ZNF763: variants seen among roughly 807,000 people sequenced by gnomAD.
ZNF763 encodes the protein zinc finger protein 763, also known as DNA-binding protein.
In ZNF763, 33 loss-of-function variants were observed where a neutral mutation model predicts 38.0. That is an observed-to-expected ratio of 0.87 (90% CI 0.66 to 1.16). ZNF763 has a LOEUF of 1.16. Ranked by LOEUF, ZNF763 falls within the 50% of genes most tolerant of loss-of-function variation. The pLI is 0.00. For missense variants in ZNF763, 423 were observed against 469.1 expected (o/e 0.90, Z 0.91); for synonymous variants, 155 against 160.1 (o/e 0.97, Z 0.24).
At chr19:11,969,061 G>A (rs1305952368) in intron 1 of ZNF763, among the ~76,000 whole-genome samples, 1 of 152,196 alleles carries the variant, frequency 6.6e-6, no homozygotes, top group African/African-American at 2.4e-5. Flanking sequence ...TCAAGATGAT[G>A]TAGAGATTCA....
chr19:11,973,501 C>A (rs1028850794), intron 1 of ZNF763, among the ~76,000 whole-genome samples: 1 of 152,136 alleles, frequency 6.6e-6, no homozygotes, highest in African/African-American at 2.4e-5. Flanking sequence ...TCTTGTGAGC[C>A]ACCACGTTCG....
chr19:11,976,831 G>T (rs1973501996), intron 1 of ZNF763: 1 of 1,391,194 alleles, frequency 7.2e-7, no homozygotes, highest in Non-Finnish European at 9.3e-7. Flanking sequence ...TCCAGCCTGG[G>T]CAACAAGTTG....
At chr19:11,967,529 C>T (rs936429007) in intron 1 of ZNF763, among the ~76,000 whole-genome samples, 6 of 151,912 alleles carry the variant, frequency 3.9e-5, no homozygotes, top group Non-Finnish European at 8.8e-5. Context: ...CTCAGCCTCC[C>T]GAGTAGCTGG....
rs1186251801 is a variant in ZNF763, at chr19:11,980,207, C to T, written c.*1098C>T. On this transcript the variant is annotated 3_prime_UTR_variant, in exon 4 of 4. Transcript: ENST00000358987. ...CTGGCCTGATCAATATGATGAAACC[C>T]CTGTCTCTACTAAAACTACAAAAAT... The T allele has an allele frequency of 1.8e-5, 8 of 451,416 alleles. No homozygotes were observed. Among genetic ancestry groups the T allele is most frequent in the Admixed American group, 3.7e-5 (1 of 27,150 alleles). The allele number at this position is 451,416 out of a possible 1,614,324, so 28.0% of individuals were successfully genotyped here. A position where few individuals can be genotyped will look rare whatever the true frequency, so the allele number is the denominator to read the frequency against.
chr19:11,971,145 A>G (rs1973342823), intron 1 of ZNF763, among the ~76,000 whole-genome samples: 1 of 152,086 alleles, frequency 6.6e-6, no homozygotes, highest in South Asian at 2.1e-4. Flanking sequence ...TAAAGAATAA[A>G]CATTTGTTTC....
intron 2 of ZNF763, 97 bp downstream of exon 2, chr19:11,977,261 C>T: frequency 6.2e-7 from 1 of 1,603,414 alleles, no homozygotes; most frequent in Non-Finnish European, 8.5e-7. Flanking sequence ...ACAGGAAATA[C>T]TTTGATGAAT....
Position 11,978,403 on chromosome 19 carries a change from G to A in ZNF763, c.479G>A (p.Arg160Lys), listed in dbSNP as rs751394506. Residue 160 changes from arginine to lysine, a missense_variant, in exon 4 of 4, where the codon AGA (arginine) becomes AAA (lysine). Transcript: ENST00000358987. ...KKAFRYHPSF[R>K]TQERNHTGEK... Reference sequence around the variant, plus strand: ...GCCTTCAGATATCACCCCTCCTTTAGAACACAAGAAAGGAATCACACCGGA... The same window carrying A: ...GCCTTCAGATATCACCCCTCCTTTAAAACACAAGAAAGGAATCACACCGGA... 37 of 1,614,008 alleles carry A rather than the reference G, an allele frequency of 2.3e-5. No individual in the cohort carries two copies. In the Admixed American group the frequency reaches 5.8e-4, roughly 25 times the overall value.
At chr19:11,977,569 T>A in intron 3 of ZNF763, 138 bp downstream of exon 3, 1 of 1,156,840 alleles carries the variant, frequency 8.6e-7, no homozygotes, top group Non-Finnish European at 1.2e-6. Context: ...AATCATATAT[T>A]TACATGTGAC....
In ZNF763 at chr19:11,976,735, G is replaced by A. The variant is rs538983822; in HGVS notation, c.4-303G>A. On this transcript the variant is annotated intron_variant, in intron 1 of 3. Transcript: ENST00000358987. ...TACAAAATTAGCCGGGTGTGGTGGCGCATGCCTGTAATCCCAGCTACTCGG... is the reference window on the plus strand; with the variant it reads ...TACAAAATTAGCCGGGTGTGGTGGCACATGCCTGTAATCCCAGCTACTCGG... The A allele has an allele frequency of 1.4e-3, 594 of 411,826 alleles. 7 individuals carry two copies. The highest frequency in any genetic ancestry group is 0.011 in the South Asian group (317 of 30,156). The allele number at this position is 411,826 out of a possible 1,614,324, so 25.5% of individuals were successfully genotyped here.
chr19:11,973,717 A>ATT (rs34111838), intron 1 of ZNF763, among the ~76,000 whole-genome samples: 6 of 142,556 alleles, frequency 4.2e-5, no homozygotes, highest in African/African-American at 7.7e-5. Context: ...GACCTTGTTA[A>ATT]TTTTTTTTTT....
At chr19:11,975,485 C>T (rs1348015329) in intron 1 of ZNF763, among the ~76,000 whole-genome samples, 2 of 151,892 alleles carry the variant, frequency 1.3e-5, no homozygotes, top group Admixed American at 1.3e-4. Context: ...GCAAGTTCCG[C>T]TTCCCGGGTT....
chr19:11,979,713 A>G lies in ZNF763; in HGVS notation c.*604A>G. On this transcript the variant is annotated 3_prime_UTR_variant, in exon 4 of 4. Coordinates refer to ENST00000358987, the MANE Select transcript of ZNF763 (RefSeq NM_001367172.2). ...ACTCACCCTGAAGAGAAGCCCTACG[A>G]GTGTAAGCAATGTGGGAAAGCCTTC... 6.2e-7 allele frequency: 1 copy of G among 1,600,156 alleles called. No individual in the cohort carries two copies. The highest frequency in any genetic ancestry group is 8.5e-7 in the Non-Finnish European group (1 of 1,169,998).
In ZNF763 at chr19:11,978,098, G is replaced by A. The variant is rs1973534261; in HGVS notation, c.192-18G>A. 2 of 1,605,032 alleles carry A rather than the reference G, an allele frequency of 1.2e-6. No individual in the cohort carries two copies. Among genetic ancestry groups the A allele is most frequent in the Non-Finnish European group, 1.7e-6 (2 of 1,178,118 alleles). On this transcript the variant is annotated intron_variant, in intron 3 of 3. Coordinates refer to ENST00000358987, the MANE Select transcript of ZNF763 (RefSeq NM_001367172.2). Reference sequence around the variant, plus strand: ...ATTACTCATAAACCCTTCATAATGTGCTTCTCACTTTTGACAGGAGTCTCA... The same window carrying A: ...ATTACTCATAAACCCTTCATAATGTACTTCTCACTTTTGACAGGAGTCTCA...
chr19:11,967,572 T>G (rs1224755031), intron 1 of ZNF763, among the ~76,000 whole-genome samples: 1 of 152,102 alleles, frequency 6.6e-6, no homozygotes, highest in Admixed American at 6.5e-5. Flanking sequence ...CTCGGCTAAT[T>G]TTTTGTATTT....
At chr19:11,975,640 C>G (rs1337338099) in intron 1 of ZNF763, among the ~76,000 whole-genome samples, 1 of 148,322 alleles carries the variant, frequency 6.7e-6, no homozygotes, top group Non-Finnish European at 1.5e-5. Flanking sequence ...CCTCGGCCTA[C>G]CAAAGTGTTG....
chr19:11,967,514 C>T (rs1305404408), intron 1 of ZNF763, among the ~76,000 whole-genome samples: 3 of 152,162 alleles, frequency 2.0e-5, no homozygotes, highest in East Asian at 3.9e-4. Context: ...ACGCCATTCT[C>T]CTGCCTCAGC....
At chr19:11,971,007 AT>A (rs1002828969) in intron 1 of ZNF763, among the ~76,000 whole-genome samples, 1 of 152,154 alleles carries the variant, frequency 6.6e-6, no homozygotes, top group African/African-American at 2.4e-5. Context: ...CTGTCCTTCC[AT>A]CTCTCTGTTA....
At chr19:11,974,053 TTTC>T (rs1973405473) in intron 1 of ZNF763, among the ~76,000 whole-genome samples, 2 of 150,730 alleles carry the variant, frequency 1.3e-5, no homozygotes, top group African/African-American at 5.0e-5. Context: ...TCTTTCTTTC[TTTC>T]TTTCCTTCTT....
At chr19:11,976,249 T>C (rs1973485938) in intron 1 of ZNF763, among the ~76,000 whole-genome samples, 1 of 151,504 alleles carries the variant, frequency 6.6e-6, no homozygotes, top group African/African-American at 2.4e-5. Flanking sequence ...TTCATAGGAC[T>C]CTATTACGAC....
Sources: allele counts gnomAD v4.1 joint callset (sites outside exome capture counted in the v4.1 genomes callset), GRCh38; gene constraint gnomAD v4.1.1; transcripts MANE v1.5; gene names NCBI Gene and HGNC (gene_info 2026-07-23, HGNC 2026-07-21).